ULK4: variants seen among roughly 807,000 people sequenced by gnomAD.
The protein encoded by ULK4 is unc-51 like kinase 4.
Under a neutral mutation model 160.6 loss-of-function variants are expected in ULK4, and 133 were observed. The observed-to-expected ratio is 0.83, with a 90% CI of 0.72 to 0.96. The LOEUF (loss-of-function observed/expected upper bound fraction) is 0.96, where lower values mean the gene tolerates loss of function less well. ULK4 is among the 40% of genes least tolerant of loss of function. ULK4 has a pLI of 0.00. For synonymous variants in ULK4, 534 were observed against 539.8 expected, an observed-to-expected ratio of 0.99 and a Z score of 0.15; for missense variants, 1,580 against 1,499.5, an observed-to-expected ratio of 1.05 and a Z score of -0.89.
chr3:41,816,216 A>C (rs1444447111), intron 19 of ULK4, among the ~76,000 whole-genome samples: 1 of 152,164 alleles, frequency 6.6e-6, no homozygotes, highest in African/African-American at 2.4e-5. Flanking sequence ...ATAAATGCAC[A>C]TGCACATGAA....
chr3:41,279,263 A>C (rs9877376), intron 35 of ULK4, among the ~76,000 whole-genome samples: 65 of 114,622 alleles, frequency 5.7e-4, no homozygotes, highest in Non-Finnish European at 7.4e-4. Context: ...AGTAAAAAAA[A>C]AAAAAAAAAA....
intron 33 of ULK4, among the ~76,000 whole-genome samples, chr3:41,459,113 G>A (rs373589522): frequency 1.1e-4 from 17 of 152,098 alleles, no homozygotes; most frequent in East Asian, 5.8e-4. Flanking sequence ...GTGCAGTGGC[G>A]TGATCTCGGT....
At chr3:41,334,742 G>A (rs942235876) in intron 35 of ULK4, among the ~76,000 whole-genome samples, 1 of 152,202 alleles carries the variant, frequency 6.6e-6, no homozygotes, top group African/African-American at 2.4e-5. Flanking sequence ...TGTCTGAGAT[G>A]TGTATTTTAA....
intron 35 of ULK4, among the ~76,000 whole-genome samples, chr3:41,396,265 G>A (rs900383205): frequency 1.3e-5 from 2 of 151,804 alleles, no homozygotes; most frequent in African/African-American, 4.8e-5. Flanking sequence ...CATTGCCTGA[G>A]TGTCTCCTAT....
At chr3:41,580,526 G>A (rs2030224363) in intron 31 of ULK4, among the ~76,000 whole-genome samples, 1 of 151,314 alleles carries the variant, frequency 6.6e-6, no homozygotes, top group Non-Finnish European at 1.5e-5. Flanking sequence ...AGAGAAAAAT[G>A]CCAACAGCAA....
At chr3:41,561,648 T>C (rs562502137) in intron 32 of ULK4, among the ~76,000 whole-genome samples, 201 of 152,334 alleles carry the variant, frequency 1.3e-3, no homozygotes, top group African/African-American at 4.7e-3. Flanking sequence ...TTTATTTGTA[T>C]AGAGGTGTTT....
intron 35 of ULK4, among the ~76,000 whole-genome samples, chr3:41,335,597 G>A (rs2080537806): frequency 6.6e-6 from 1 of 152,132 alleles, no homozygotes; most frequent in Non-Finnish European, 1.5e-5. Flanking sequence ...ATTATGGCCT[G>A]TGATGTGTGT....
At position 41,911,298 on chromosome 3, in the gene ULK4, CTT is replaced by C; in HGVS notation, c.1085+17_1085+18del. The C allele has an allele frequency of 6.2e-7, 1 of 1,612,554 alleles. No homozygotes were observed. Among genetic ancestry groups the C allele is most frequent in the Non-Finnish European group, 8.5e-7 (1 of 1,179,326 alleles). ...TAACTTTTGTCTTGCACTGATCCCTCTTTTTTCATTTTACCTACCTGAGAAGA... is the reference window on the plus strand; with the variant it reads ...TAACTTTTGTCTTGCACTGATCCCTCTTTTCATTTTACCTACCTGAGAAGA... On this transcript the variant is annotated intron_variant, in intron 11 of 36. Coordinates refer to ENST00000301831, the MANE Select transcript of ULK4 (RefSeq NM_017886.4).
chr3:41,380,445 T>C (rs2081623196), intron 35 of ULK4, among the ~76,000 whole-genome samples: 1 of 152,128 alleles, frequency 6.6e-6, no homozygotes, highest in Non-Finnish European at 1.5e-5. Context: ...ACAGGCCTTC[T>C]TACCATACCG....
Position 41,450,554 on chromosome 3 carries a change from A to G in ULK4, c.3492+4943T>C, listed in dbSNP as rs373355555. Among the ~76,000 whole-genome samples the G allele has an allele frequency of 3.9e-4, 60 of 152,358 alleles. No individual in the cohort carries two copies. The South Asian group carries it at 0.012, about 30-fold the overall frequency. Reference sequence around the variant, plus strand: ...TAGGACCATATCTGGAAAAAACCTCAAAAGCTAACAAGTTCATTCTGTTGC... The same window carrying G: ...TAGGACCATATCTGGAAAAAACCTCGAAAGCTAACAAGTTCATTCTGTTGC... On this transcript the variant is annotated intron_variant, in intron 34 of 36. Transcript: ENST00000301831.
intron 22 of ULK4, among the ~76,000 whole-genome samples, chr3:41,747,077 A>G (rs990527948): frequency 6.6e-6 from 1 of 151,972 alleles, no homozygotes; most frequent in Non-Finnish European, 1.5e-5. Flanking sequence ...AACATGGGAG[A>G]AAATCTTTGG....
At position 41,376,254 on chromosome 3, in the gene ULK4, C is replaced by T. The variant is rs546595074; in HGVS notation, c.3678+21825G>A. ...TCTGGAACTAGAAATACCATTTGAC[C>T]CAGCAATCCCTTTTCTGGGTACATA... On this transcript the variant is annotated intron_variant, in intron 35 of 36. Coordinates refer to ENST00000301831, the MANE Select transcript of ULK4 (RefSeq NM_017886.4). 1.8e-4 allele frequency among the ~76,000 whole-genome samples: 27 copies of T among 150,162 alleles called. No homozygotes were observed. In the South Asian group the frequency reaches 5.9e-3, roughly 33 times the overall value.
chr3:41,911,659 G>A lies in ULK4; in HGVS notation c.897C>T (p.Ser299=), dbSNP rs767745166. The part of the protein sequence containing the change: ...QESSVEDLSL[S]RNTMECSGPQ... The stretch of plus-strand genomic sequence containing the variant: ...GCCCAGAACACTCCATAGTGTTTCT[G>A]CTATTATTGGAGAAAACCAACACAA... Residue 299 remains serine, a splice_region_variant and synonymous_variant, in exon 10 of 37, where the codon AGC becomes AGT. Transcript: ENST00000301831. 8.7e-6 allele frequency: 14 copies of A among 1,607,216 alleles called. No individual in the cohort carries two copies. In the East Asian group the frequency reaches 2.9e-4, roughly 33 times the overall value.
intron 21 of ULK4, among the ~76,000 whole-genome samples, chr3:41,765,786 G>A (rs2039142645): frequency 6.6e-6 from 1 of 152,058 alleles, no homozygotes; most frequent in South Asian, 2.1e-4. Context: ...CTTGGAAAAT[G>A]TATTACAAAG....
intron 30 of ULK4, among the ~76,000 whole-genome samples, chr3:41,635,708 C>G (rs1007941833): frequency 2.0e-5 from 3 of 152,128 alleles, no homozygotes; most frequent in Non-Finnish European, 2.9e-5. Context: ...GCCCATTTTA[C>G]AGAGGAAGAC....
At chr3:41,587,876 C>T (rs1183445704) in intron 31 of ULK4, among the ~76,000 whole-genome samples, 2 of 151,968 alleles carry the variant, frequency 1.3e-5, no homozygotes, top group Non-Finnish European at 2.9e-5. Context: ...ATAGAATTTC[C>T]TCCAGTTTTT....
intron 30 of ULK4, among the ~76,000 whole-genome samples, chr3:41,636,533 CAAAAGAAAAAAAA>C (rs977655975): frequency 3.9e-5 from 5 of 127,508 alleles, no homozygotes; most frequent in South Asian, 2.5e-4. Context: ...GACTCTGTCT[CAAAAGAAAAAAAA>C]AAAAGAAAAG....
intron 27 of ULK4, among the ~76,000 whole-genome samples, chr3:41,704,676 G>A (rs2036804401): frequency 6.6e-6 from 1 of 152,028 alleles, no homozygotes; most frequent in South Asian, 2.1e-4. Context: ...TAGAGGTCAG[G>A]GTTTCTGCTA....
chr3:41,277,362 G>C (rs2125691095), intron 35 of ULK4, among the ~76,000 whole-genome samples: 1 of 152,272 alleles, frequency 6.6e-6, no homozygotes, highest in Middle Eastern at 3.4e-3. Flanking sequence ...CAAAATACTA[G>C]CTATCTGAAT....
Sources: allele counts gnomAD v4.1 joint callset (sites outside exome capture counted in the v4.1 genomes callset), GRCh38; gene constraint gnomAD v4.1.1; transcripts MANE v1.5; gene names NCBI Gene and HGNC (gene_info 2026-07-23, HGNC 2026-07-21).